Variants in HS6ST3 observed in about 807,000 individuals in gnomAD.
HS6ST3 encodes the protein heparan-sulfate 6-O-sulfotransferase 3.
In HS6ST3, 12 loss-of-function variants were observed where a neutral mutation model predicts 36.7. The observed-to-expected ratio is 0.33, with a 90% CI of 0.21 to 0.53. The LOEUF (loss-of-function observed/expected upper bound fraction) is 0.53, where lower values mean the gene tolerates loss of function less well. HS6ST3 is among the 20% of genes least tolerant of loss of function. The pLI is 0.95. For synonymous variants in HS6ST3, 240 were observed against 257.5 expected, an observed-to-expected ratio of 0.93 and a Z score of 0.65; for missense variants, 584 against 640.9, an observed-to-expected ratio of 0.91 and a Z score of 0.96.
rs536926810 is a variant in HS6ST3 at position 96,784,591 on chromosome 13, A to G, written c.708-47899A>G. Reference sequence around the variant, plus strand: ...TGGAGAATAGATTTCTATTTCAAACAACTAATTAGTCAGCTGAAAATATTG... The same window carrying G: ...TGGAGAATAGATTTCTATTTCAAACGACTAATTAGTCAGCTGAAAATATTG... On this transcript the variant is annotated intron_variant, in intron 1 of 1. Transcript: ENST00000376705. Among the ~76,000 whole-genome samples the G allele has an allele frequency of 7.4e-4, 112 of 152,278 alleles. 1 individual carries two copies. The highest frequency in any genetic ancestry group is 2.6e-3 in the African/African-American group (107 of 41,558).
chr13:96,519,477 G>A (rs2056085152), intron 1 of HS6ST3, among the ~76,000 whole-genome samples: 1 of 152,194 alleles, frequency 6.6e-6, no homozygotes, highest in Non-Finnish European at 1.5e-5. Context: ...CAAATGGATG[G>A]GTGTTTCTGG....
chr13:96,192,329 G>A (rs925897147), intron 1 of HS6ST3, among the ~76,000 whole-genome samples: 3 of 152,074 alleles, frequency 2.0e-5, no homozygotes, highest in Non-Finnish European at 4.4e-5. Flanking sequence ...GGGTACATGT[G>A]CATGTTTGTT....
At chr13:96,144,797 CT>C (rs1186780777) in intron 1 of HS6ST3, among the ~76,000 whole-genome samples, 1 of 107,230 alleles carries the variant, frequency 9.3e-6, no homozygotes, top group Non-Finnish European at 1.9e-5. Flanking sequence ...CCCCTCCCCC[CT>C]CCCCCCACCA....
intron 1 of HS6ST3, among the ~76,000 whole-genome samples, chr13:96,278,100 T>A (rs2054757299): frequency 6.6e-6 from 1 of 152,180 alleles, no homozygotes; most frequent in Admixed American, 6.6e-5. Flanking sequence ...AAACTTGCTA[T>A]TTATCTATAC....
intron 1 of HS6ST3, among the ~76,000 whole-genome samples, chr13:96,441,527 G>T (rs1028791283): frequency 2.6e-5 from 4 of 152,138 alleles, no homozygotes; most frequent in African/African-American, 9.7e-5. Context: ...GCTGATGAAA[G>T]TCTTCAGCAT....
chr13:96,625,268 G>A (rs2056508223), intron 1 of HS6ST3, among the ~76,000 whole-genome samples: 1 of 152,160 alleles, frequency 6.6e-6, no homozygotes. Flanking sequence ...GGTAACTAAA[G>A]GTTGCTTTTG....
At chr13:96,101,419 A>ATTTTGAAG (rs2053817863) in intron 1 of HS6ST3, among the ~76,000 whole-genome samples, 1 of 152,082 alleles carries the variant, frequency 6.6e-6, no homozygotes, top group African/African-American at 2.4e-5. Context: ...ATTTTAAAGG[A>ATTTTGAAG]CTTTTGAAGC....
At position 96,091,187 on chromosome 13, in the gene HS6ST3, G is replaced by C; in HGVS notation, c.325G>C (p.Glu109Gln). The change falls in exon 1 of 2, where the codon GAG becomes CAG. Residue 109 changes from glutamate to glutamine, a missense_variant. Physicochemically the swap from Glu to Gln is conservative, Grantham distance 29. Transcript: ENST00000376705. Reference protein sequence around the residue: ...REGEEEEEEDEPDPEAPENGS... With the variant: ...REGEEEEEEDQPDPEAPENGS... ...GGGGGAGGAAGAGGAGGAGGAAGAC[G>C]AGCCGGACCCCGAGGCCCCGGAAAA... is the stretch of plus-strand genomic sequence containing the variant. 3.2e-6 allele frequency: 5 copies of C among 1,553,178 alleles called. No individual in the cohort carries two copies. Among genetic ancestry groups the C allele is most frequent in the Admixed American group, 1.9e-5 (1 of 51,288 alleles).
In HS6ST3 at chr13:96,257,825, A is replaced by G. The variant is rs553614137; in HGVS notation, c.707+166256A>G. ...GCACAGAGTATTAGAGAGAAGAAGAACAGTAGGAAATACATTCCACAGGAG... is the reference window on the plus strand; with the variant it reads ...GCACAGAGTATTAGAGAGAAGAAGAGCAGTAGGAAATACATTCCACAGGAG... On this transcript the variant is annotated intron_variant, in intron 1 of 1. Transcript: ENST00000376705. 2.6e-5 allele frequency among the ~76,000 whole-genome samples: 4 copies of G among 152,352 alleles called. No individual in the cohort carries two copies. In the East Asian group the frequency reaches 7.7e-4, roughly 29 times the overall value.
chr13:96,786,844 A>C (rs565403103), intron 1 of HS6ST3, among the ~76,000 whole-genome samples: 3 of 145,886 alleles, frequency 2.1e-5, no homozygotes, highest in Non-Finnish European at 4.5e-5. Flanking sequence ...GAACAGTTCC[A>C]TAATTCCCAA....
At chr13:96,266,218 C>T (rs779225092) in intron 1 of HS6ST3, among the ~76,000 whole-genome samples, 29 of 152,136 alleles carry the variant, frequency 1.9e-4, no homozygotes, top group African/African-American at 4.3e-4. Context: ...CTTCACTGGG[C>T]GCCTCAGATC....
At chr13:96,317,649 G>A (rs1483773612) in intron 1 of HS6ST3, among the ~76,000 whole-genome samples, 1 of 150,862 alleles carries the variant, frequency 6.6e-6, no homozygotes, top group African/African-American at 2.4e-5. Context: ...TGCTTTCTAC[G>A]GTGGCCGAAC....
At chr13:96,283,543 A>G (rs1001144628) in intron 1 of HS6ST3, among the ~76,000 whole-genome samples, 9 of 152,188 alleles carry the variant, frequency 5.9e-5, no homozygotes, top group African/African-American at 2.2e-4. Flanking sequence ...ATCTCTGTGC[A>G]CCCCTACCCC....
chr13:96,249,120 A>T (rs1384695894), intron 1 of HS6ST3, among the ~76,000 whole-genome samples: 2 of 152,078 alleles, frequency 1.3e-5, no homozygotes, highest in Non-Finnish European at 2.9e-5. Flanking sequence ...GCCTTTGGGG[A>T]GACAAAGCTG....
At chr13:96,180,545 C>CT (rs56363734) in intron 1 of HS6ST3, among the ~76,000 whole-genome samples, 140,471 of 152,272 alleles carry the variant, frequency 0.92, 64,918 homozygotes, top group African/African-American at 0.94. Flanking sequence ...AACTTTTCAG[C>CT]GTTTTTAATG....
chr13:96,746,388 T>C lies in HS6ST3; in HGVS notation c.708-86102T>C, dbSNP rs1876562654. On this transcript the variant is annotated intron_variant, in intron 1 of 1. Coordinates refer to ENST00000376705, the MANE Select transcript of HS6ST3 (RefSeq NM_153456.4). ...TAACAAGTACATAAAATAACAGTTATATTCATTTCTCCCCAAATTCTAAAG... is the reference window on the plus strand; with the variant it reads ...TAACAAGTACATAAAATAACAGTTACATTCATTTCTCCCCAAATTCTAAAG... Among the ~76,000 whole-genome samples the C allele has an allele frequency of 3.3e-5, 5 of 152,080 alleles. No homozygotes were observed. The East Asian group carries it at 9.6e-4, about 29-fold the overall frequency.
At chr13:96,322,005 A>G (rs962283808) in intron 1 of HS6ST3, among the ~76,000 whole-genome samples, 1 of 151,980 alleles carries the variant, frequency 6.6e-6, no homozygotes, top group Non-Finnish European at 1.5e-5. Context: ...CTGAAAAAAA[A>G]AAATGGAACT....
chr13:96,149,881 T>G (rs568929653), intron 1 of HS6ST3, among the ~76,000 whole-genome samples: 1 of 152,306 alleles, frequency 6.6e-6, no homozygotes, highest in South Asian at 2.1e-4. Flanking sequence ...CTCAATTAAT[T>G]CTATAGAGAA....
At chr13:96,345,519 C>G (rs2055149430) in intron 1 of HS6ST3, among the ~76,000 whole-genome samples, 1 of 152,118 alleles carries the variant, frequency 6.6e-6, no homozygotes, top group Non-Finnish European at 1.5e-5. Context: ...TCCATTTACT[C>G]CCCACTCATA....
Sources: allele counts gnomAD v4.1 joint callset (sites outside exome capture counted in the v4.1 genomes callset), GRCh38; gene constraint gnomAD v4.1.1; transcripts MANE v1.5; gene names NCBI Gene and HGNC (gene_info 2026-07-23, HGNC 2026-07-21).